KCNH7: variants seen among roughly 807,000 people sequenced by gnomAD.
KCNH7 encodes voltage-gated inwardly rectifying potassium channel KCNH7.
A neutral mutation model predicts 120.8 loss-of-function variants in KCNH7; 49 were observed. The ratio of observed to expected loss-of-function variants is 0.41; its 90% CI spans 0.32 to 0.51. KCNH7 has a LOEUF of 0.51. Among genes scored for constraint, KCNH7 ranks in the 20% least tolerant of loss-of-function variants. The pLI is 0.38. For synonymous variants in KCNH7, 547 were observed against 516.1 expected (o/e 1.06, Z -0.81); for missense variants, 1,097 against 1,446.6 (o/e 0.76, Z 3.92).
chr2:162,470,265 C>A (rs1188113425), intron 6 of KCNH7, among the ~76,000 whole-genome samples: 11 of 151,226 alleles, frequency 7.3e-5, no homozygotes, highest in Admixed American at 1.3e-4. Context: ...AAGTGAGGAG[C>A]GTCTCTGCCC....
chr2:162,679,196 A>T (rs1685628937), intron 2 of KCNH7, among the ~76,000 whole-genome samples: 1 of 151,588 alleles, frequency 6.6e-6, no homozygotes, highest in Non-Finnish European at 1.5e-5. Flanking sequence ...AATAAGATTG[A>T]TAGAAAATAC....
intron 2 of KCNH7, among the ~76,000 whole-genome samples, chr2:162,648,523 T>G (rs1303473805): frequency 6.6e-6 from 1 of 152,176 alleles, no homozygotes; most frequent in Non-Finnish European, 1.5e-5. Context: ...ACAATACATT[T>G]CCAGTTTCCT....
chr2:162,760,856 T>C (rs1479309329), intron 2 of KCNH7, among the ~76,000 whole-genome samples: 1 of 152,148 alleles, frequency 6.6e-6, no homozygotes, highest in Non-Finnish European at 1.5e-5. Context: ...CTCTAGATAA[T>C]GCATTCTAAC....
chr2:162,754,556 C>A (rs1039361587), intron 2 of KCNH7, among the ~76,000 whole-genome samples: 3 of 151,990 alleles, frequency 2.0e-5, no homozygotes, highest in African/African-American at 4.8e-5. Flanking sequence ...AGGTAAAAAA[C>A]CAGGGTTGGA....
At chr2:162,670,388 C>G (rs1333610828) in intron 2 of KCNH7, among the ~76,000 whole-genome samples, 1 of 146,422 alleles carries the variant, frequency 6.8e-6, no homozygotes, top group Non-Finnish European at 1.5e-5. Context: ...GCAAGAGAGT[C>G]GCTTAAACCC....
intron 9 of KCNH7, 115 bp downstream of exon 9, chr2:162,423,221 C>A (rs370626764): frequency 6.3e-7 from 1 of 1,587,030 alleles, no homozygotes; most frequent in African/African-American, 1.3e-5. Context: ...AATACACATC[C>A]GAGAGAAGAA....
chr2:162,644,269 G>A (rs1034254917), intron 2 of KCNH7, among the ~76,000 whole-genome samples: 1 of 151,604 alleles, frequency 6.6e-6, no homozygotes, highest in African/African-American at 2.4e-5. Context: ...TAAATAAGAA[G>A]AAACTGATAG....
At chr2:162,714,135 G>A (rs1405871344) in intron 2 of KCNH7, among the ~76,000 whole-genome samples, 2 of 152,198 alleles carry the variant, frequency 1.3e-5, no homozygotes, top group Non-Finnish European at 2.9e-5. Context: ...CACTATTTCT[G>A]CAGGATTATG....
At chr2:162,563,045 T>C (rs939386496) in intron 2 of KCNH7, among the ~76,000 whole-genome samples, 1 of 151,760 alleles carries the variant, frequency 6.6e-6, no homozygotes, top group African/African-American at 2.4e-5. Flanking sequence ...TTTCATAGGG[T>C]AATTATTTTT....
At chr2:162,551,548 CAGAGAAGGTGAACT>C (rs2105858394) in intron 2 of KCNH7, among the ~76,000 whole-genome samples, 1 of 151,366 alleles carries the variant, frequency 6.6e-6, no homozygotes, top group Admixed American at 6.6e-5. Context: ...TTAAAAAAAA[CAGAGAAGGTGAACT>C]AGAGAACAAA....
intron 2 of KCNH7, among the ~76,000 whole-genome samples, chr2:162,763,530 A>G (rs902564857): frequency 2.6e-5 from 4 of 152,086 alleles, no homozygotes; most frequent in Non-Finnish European, 5.9e-5. Context: ...TAAAGTTCCA[A>G]AATTGTTAGA....
chr2:162,802,942 G>A (rs541856368), intron 2 of KCNH7, among the ~76,000 whole-genome samples: 86 of 151,470 alleles, frequency 5.7e-4, no homozygotes, highest in African/African-American at 1.8e-3. Context: ...GATACTAATC[G>A]GATATTCATT....
Position 162,529,738 on chromosome 2 carries a change from T to C in KCNH7, c.463+7187A>G, listed in dbSNP as rs374612356. On this transcript the variant is annotated intron_variant, in intron 3 of 15. Transcript: ENST00000332142. ...AGAAGAGAACACACTTTTCCATTAC[T>C]ATTGGCTCCTTTAAATGTGGCCCCT... Among the ~76,000 whole-genome samples the C allele has an allele frequency of 1.4e-4, 21 of 152,024 alleles. No individual in the cohort carries two copies. In the East Asian group the frequency reaches 2.9e-3, roughly 21 times the overall value.
chr2:162,531,881 C>T, intron 3 of KCNH7, among the ~76,000 whole-genome samples: 1 of 151,816 alleles, frequency 6.6e-6, no homozygotes, highest in Non-Finnish European at 1.5e-5. Flanking sequence ...TGGTATTATA[C>T]TTAGGTTTAC....
intron 2 of KCNH7, among the ~76,000 whole-genome samples, chr2:162,765,798 C>T (rs374770935): frequency 6.6e-6 from 1 of 151,910 alleles, no homozygotes; most frequent in Non-Finnish European, 1.5e-5. Flanking sequence ...ACTCTTTTAC[C>T]CGGGCTGCTG....
chr2:162,409,049 AAAGTT>A (rs1035902246), intron 9 of KCNH7, among the ~76,000 whole-genome samples: 3 of 151,866 alleles, frequency 2.0e-5, no homozygotes, highest in African/African-American at 7.2e-5. Flanking sequence ...TAAGAATAGT[AAAGTT>A]ATCAAAAAAA....
intron 12 of KCNH7, among the ~76,000 whole-genome samples, chr2:162,389,454 T>C (rs750385368): frequency 6.6e-6 from 1 of 152,010 alleles, no homozygotes; most frequent in Non-Finnish European, 1.5e-5. Context: ...ACATTATTCT[T>C]TATGCTTTTG....
At chr2:162,381,547 T>C (rs1023881414) in intron 13 of KCNH7, among the ~76,000 whole-genome samples, 2 of 152,108 alleles carry the variant, frequency 1.3e-5, no homozygotes, top group African/African-American at 4.8e-5. Context: ...GTCTATAATT[T>C]CTGCCTCAGT....
At chr2:162,447,987 A>G (rs1688639721) in intron 6 of KCNH7, among the ~76,000 whole-genome samples, 1 of 152,128 alleles carries the variant, frequency 6.6e-6, no homozygotes, top group South Asian at 2.1e-4. Flanking sequence ...CCACTTAATC[A>G]GTCCACTGTA....
Sources: gnomAD v4.1 joint callset for allele counts (sites outside exome capture counted in the v4.1 genomes callset) on GRCh38, gnomAD v4.1.1 for gene constraint, MANE v1.5 for transcripts, NCBI Gene and HGNC (gene_info 2026-07-23, HGNC 2026-07-21) for gene names.